Variants in ARHGAP32 observed in about 807,000 individuals in gnomAD.
ARHGAP32 encodes the protein Rho GTPase activating protein 32.
A neutral mutation model predicts 186.5 loss-of-function variants in ARHGAP32; 51 were observed. That is an observed-to-expected ratio of 0.27 (90% CI 0.22 to 0.35). The LOEUF (loss-of-function observed/expected upper bound fraction) is 0.35. ARHGAP32 is among the 10% of genes least tolerant of loss of function. The pLI, the probability that ARHGAP32 is intolerant of heterozygous loss-of-function variation, is 1.00. For synonymous variants in ARHGAP32, 950 were observed against 964.3 expected, an observed-to-expected ratio of 0.99 and a Z score of 0.27; for missense variants, 2,186 against 2,623.5, an observed-to-expected ratio of 0.83 and a Z score of 3.64.
At chr11:129,202,604 C>T (rs1255314008) in intron 1 of ARHGAP32, among the ~76,000 whole-genome samples, 1 of 152,128 alleles carries the variant, frequency 6.6e-6, no homozygotes, top group Non-Finnish European at 1.5e-5. Flanking sequence ...ATCTCAGAAT[C>T]ATGAAATAAA....
chr11:129,277,121 G>A (rs1945540910), intron 1 of ARHGAP32, among the ~76,000 whole-genome samples: 1 of 152,074 alleles, frequency 6.6e-6, no homozygotes, highest in African/African-American at 2.4e-5. Flanking sequence ...ATGCGTCTAC[G>A]ATCAACATAC....
chr11:128,976,463 A>G (rs1945543861), intron 20 of ARHGAP32, 100 bp downstream of exon 20: 2 of 938,006 alleles, frequency 2.1e-6, no homozygotes, highest in African/African-American at 3.3e-5. Context: ...ATGAGTTAAT[A>G]GCCTATTTAT....
rs760811934 is a variant in ARHGAP32, at chr11:128,973,108, T to C, written c.3398A>G (p.His1133Arg). The change falls in exon 22 of 23, where the codon CAT (histidine) becomes CGT (arginine). Residue 1133 changes from histidine (H) to arginine (R), a missense_variant. Coordinates refer to ENST00000682385, the MANE Select transcript of ARHGAP32 (RefSeq NM_001378024.1). ...LQNNAPGNCD[H>R]PLPETTATGD... Reference sequence around the variant, plus strand: ...AGTAGCTGTTGTCTCTGGTAGAGGATGGTCACAGTTTCCTGGTGCATTATT... The same window carrying C: ...AGTAGCTGTTGTCTCTGGTAGAGGACGGTCACAGTTTCCTGGTGCATTATT... 1 of 1,614,174 alleles carries C rather than the reference T, an allele frequency of 6.2e-7. No homozygotes were observed. Among genetic ancestry groups the C allele is most frequent in the South Asian group, 1.1e-5 (1 of 91,078 alleles).
chr11:129,011,421 T>A (rs1277788517), intron 11 of ARHGAP32, among the ~76,000 whole-genome samples: 4 of 151,990 alleles, frequency 2.6e-5, no homozygotes, highest in Non-Finnish European at 5.9e-5. Context: ...AATAAAAAAA[T>A]AAACAGGGTG....
At chr11:129,185,944 G>A (rs567776072) in intron 1 of ARHGAP32, among the ~76,000 whole-genome samples, 20 of 151,982 alleles carry the variant, frequency 1.3e-4, no homozygotes, top group South Asian at 1.0e-3. Context: ...AAAGTATAGC[G>A]CAACTTCCAA....
intron 1 of ARHGAP32, among the ~76,000 whole-genome samples, chr11:129,204,073 G>A (rs1211651468): frequency 1.3e-5 from 2 of 149,074 alleles, no homozygotes; most frequent in Admixed American, 6.7e-5. Flanking sequence ...TTGAATTAAA[G>A]GAAGTAATAT....
intron 19 of ARHGAP32, 101 bp from the exon 20 acceptor site, chr11:128,976,735 A>G: frequency 1.0e-6 from 1 of 967,116 alleles, no homozygotes; most frequent in Non-Finnish European, 1.7e-6. Context: ...TTTGAGAGTG[A>G]TTAGCTGTAC....
intron 11 of ARHGAP32, among the ~76,000 whole-genome samples, chr11:129,025,499 C>A (rs1448260807): frequency 6.6e-6 from 1 of 152,072 alleles, no homozygotes; most frequent in Non-Finnish European, 1.5e-5. Flanking sequence ...TTGAATTTAG[C>A]TGAATAGGAA....
At chr11:129,036,518 C>T (rs550204695) in intron 11 of ARHGAP32, among the ~76,000 whole-genome samples, 1 of 150,920 alleles carries the variant, frequency 6.6e-6, no homozygotes, top group Non-Finnish European at 1.5e-5. Flanking sequence ...AAAGATGAGA[C>T]ATAATAACTA....
intron 6 of ARHGAP32, among the ~76,000 whole-genome samples, chr11:129,079,698 A>C (rs1452886774): frequency 8.5e-5 from 13 of 152,200 alleles, no homozygotes; most frequent in African/African-American, 3.1e-4. Context: ...AAAAACTAAC[A>C]AATAAGGTAT....
intron 11 of ARHGAP32, among the ~76,000 whole-genome samples, chr11:129,012,947 C>T (rs186972980): frequency 6.6e-6 from 1 of 152,282 alleles, no homozygotes; most frequent in East Asian, 1.9e-4. Context: ...ATCCTCCAAA[C>T]AAACTCTACT....
intron 11 of ARHGAP32, among the ~76,000 whole-genome samples, chr11:129,036,623 C>T (rs1406904087): frequency 6.6e-6 from 1 of 151,996 alleles, no homozygotes; most frequent in Non-Finnish European, 1.5e-5. Flanking sequence ...AAAATAATGA[C>T]CATAAAAACC....
chr11:129,048,730 G>A (rs555553265), intron 10 of ARHGAP32, among the ~76,000 whole-genome samples: 1 of 152,244 alleles, frequency 6.6e-6, no homozygotes, highest in East Asian at 1.9e-4. Flanking sequence ...TAGCTGAGGG[G>A]ATTAAATTTC....
chr11:129,095,491 T>C (rs987121159), intron 5 of ARHGAP32, among the ~76,000 whole-genome samples: 13 of 152,152 alleles, frequency 8.5e-5, no homozygotes, highest in Non-Finnish European at 1.0e-4. Flanking sequence ...AAACCAAGGC[T>C]GCAGGAGAGG....
chr11:129,236,375 G>C (rs1944935054), intron 1 of ARHGAP32, among the ~76,000 whole-genome samples: 1 of 152,078 alleles, frequency 6.6e-6, no homozygotes, highest in Admixed American at 6.6e-5. Flanking sequence ...CTTCTTTTGA[G>C]AACTGTCTAT....
At chr11:129,276,953 A>G (rs1286729073) in intron 1 of ARHGAP32, among the ~76,000 whole-genome samples, 3 of 152,254 alleles carry the variant, frequency 2.0e-5, no homozygotes, top group Non-Finnish European at 4.4e-5. Flanking sequence ...ACTTCCATGG[A>G]CATTGGACTT....
chr11:129,097,739 C>T (rs1056723376), intron 5 of ARHGAP32, among the ~76,000 whole-genome samples: 1 of 151,962 alleles, frequency 6.6e-6, no homozygotes, highest in Non-Finnish European at 1.5e-5. Context: ...AGAGAAGGGA[C>T]AAAGAGATTA....
intron 1 of ARHGAP32, among the ~76,000 whole-genome samples, chr11:129,266,037 G>A (rs1355148293): frequency 6.6e-6 from 1 of 151,720 alleles, no homozygotes; most frequent in South Asian, 2.1e-4. Context: ...ACAATAAAAG[G>A]AAAACAATGT....
intron 1 of ARHGAP32, among the ~76,000 whole-genome samples, chr11:129,173,924 AAAAG>A (rs1214943804): frequency 6.6e-6 from 1 of 152,130 alleles, no homozygotes; most frequent in African/African-American, 2.4e-5. Flanking sequence ...TAAAAATTGG[AAAAG>A]AAAGAGGAGC....
Sources: allele counts gnomAD v4.1 joint callset (sites outside exome capture counted in the v4.1 genomes callset), GRCh38; gene constraint gnomAD v4.1.1; transcripts MANE v1.5; gene names NCBI Gene and HGNC (gene_info 2026-07-23, HGNC 2026-07-21).